Variants in ANKS1A observed in about 807,000 individuals in gnomAD.
ANKS1A encodes the protein ankyrin repeat and sterile alpha motif domain containing 1A.
Under a neutral mutation model 120.3 loss-of-function variants are expected in ANKS1A, and 55 were observed. The ratio of observed to expected loss-of-function variants is 0.46; its 90% CI spans 0.37 to 0.57. ANKS1A has a LOEUF of 0.57. Among genes scored for constraint, ANKS1A ranks in the 20% least tolerant of loss-of-function variants. ANKS1A has a pLI of 0.00. For synonymous variants in ANKS1A, 590 were observed against 604.7 expected (o/e 0.98, Z 0.36); for missense variants, 1,123 against 1,480.3 (o/e 0.76, Z 3.96).
At chr6:34,933,373 T>C (rs554754487) in intron 1 of ANKS1A, among the ~76,000 whole-genome samples, 2 of 152,282 alleles carry the variant, frequency 1.3e-5, no homozygotes, top group South Asian at 4.1e-4. Context: ...GAAAAGGCTG[T>C]TTTGTTTTGT....
At chr6:34,891,427 G>A (rs1766818162) in intron 1 of ANKS1A, among the ~76,000 whole-genome samples, 1 of 152,166 alleles carries the variant, frequency 6.6e-6, no homozygotes, top group African/African-American at 2.4e-5. Context: ...GCATGAATTG[G>A]GTTTTGAATC....
Position 35,089,443 on chromosome 6 carries a change from G to C in ANKS1A, c.*834G>C. ...GCCGGCGCCGTACTGCCTGCGTTGT[G>C]TCAGAGAATAGGAAAAGCAGCTTTG... is the stretch of plus-strand genomic sequence containing the variant. On this transcript the variant is annotated 3_prime_UTR_variant, in exon 24 of 24. Transcript: ENST00000360359. 1 of 986,684 alleles carries C rather than the reference G, an allele frequency of 1.0e-6. No individual in the cohort carries two copies. The highest frequency in any genetic ancestry group is 1.2e-6 in the Non-Finnish European group (1 of 830,604). 61.1% of individuals were successfully genotyped at this position (986,684 alleles called of 1,614,324 possible).
intron 9 of ANKS1A, among the ~76,000 whole-genome samples, chr6:34,991,959 G>A (rs1423271606): frequency 6.6e-6 from 1 of 151,924 alleles, no homozygotes; most frequent in Non-Finnish European, 1.5e-5. Context: ...TGGAGTGGGA[G>A]CTAGGAAGGC....
Position 35,089,382 on chromosome 6 carries a change from C to CT in ANKS1A, c.*775dup. 1 of 986,752 alleles carries CT rather than the reference C, an allele frequency of 1.0e-6. No homozygotes were observed. The highest frequency in any genetic ancestry group is 1.2e-6 in the Non-Finnish European group (1 of 830,602). 61.1% of individuals were successfully genotyped at this position (986,752 alleles called of 1,614,324 possible). On this transcript the variant is annotated 3_prime_UTR_variant, in exon 24 of 24. Transcript: ENST00000360359. ...AGAGCGCCAGGCCTCTCCCTGGCCT[C>CT]TTACCTGTCAGTGATCGGAGCACTG...
chr6:34,935,435 C>G (rs552404941), intron 1 of ANKS1A, among the ~76,000 whole-genome samples: 105 of 152,268 alleles, frequency 6.9e-4, no homozygotes, highest in Middle Eastern at 3.4e-3. Flanking sequence ...TGGGATTGCC[C>G]TGGTGTTAGT....
chr6:34,978,531 C>T (rs1047822232), intron 3 of ANKS1A, among the ~76,000 whole-genome samples: 8 of 152,196 alleles, frequency 5.3e-5, no homozygotes, highest in African/African-American at 1.9e-4. Context: ...GCCTGCGAGG[C>T]GCGGTAGCTC....
Position 35,086,478 on chromosome 6 carries a change from C to A in ANKS1A, c.3304-474C>A. ...CCTGTGTGACATTCTTTCCCCTCTT[C>A]CTGAGATGCCCTCTGCCTGTTCTGT... On this transcript the variant is annotated intron_variant, in intron 22 of 23. Transcript: ENST00000360359. This position sits in a 1 kb window ranked among gnomAD's most constrained non-coding sequence, Gnocchi z 5.1. The A allele has an allele frequency of 1.5e-6, 1 of 675,626 alleles. No homozygotes were observed. Among genetic ancestry groups the A allele is most frequent in the Non-Finnish European group, 2.3e-6 (1 of 431,612 alleles). 41.9% of individuals were successfully genotyped at this position (675,626 alleles called of 1,614,324 possible).
At chr6:34,994,793 G>C (rs559816509) in intron 10 of ANKS1A, among the ~76,000 whole-genome samples, 1 of 152,292 alleles carries the variant, frequency 6.6e-6, no homozygotes, top group African/African-American at 2.4e-5. Flanking sequence ...TTGGGTTCAG[G>C]CTGACGGCAC....
chr6:35,006,619 G>T (rs1396702430), intron 10 of ANKS1A, among the ~76,000 whole-genome samples: 2 of 151,980 alleles, frequency 1.3e-5, no homozygotes, highest in Non-Finnish European at 2.9e-5. Context: ...GCTGGGCATG[G>T]TAATGGGCAC....
At chr6:34,907,609 T>C (rs1767705818) in intron 1 of ANKS1A, among the ~76,000 whole-genome samples, 1 of 152,162 alleles carries the variant, frequency 6.6e-6, no homozygotes, top group South Asian at 2.1e-4. Context: ...TGTAAAACGT[T>C]GACATAAGGG....
chr6:35,041,851 C>T (rs560053940), intron 11 of ANKS1A, among the ~76,000 whole-genome samples: 30 of 152,306 alleles, frequency 2.0e-4, no homozygotes, highest in African/African-American at 6.5e-4. Context: ...GTCTGAACTT[C>T]GGTTCCAGAA....
chr6:35,078,205 G>T (rs1051725732), intron 13 of ANKS1A, among the ~76,000 whole-genome samples: 3 of 152,156 alleles, frequency 2.0e-5, no homozygotes, highest in Admixed American at 6.5e-5. Flanking sequence ...GGAACCTTAG[G>T]ATGAGTCCAC....
intron 9 of ANKS1A, among the ~76,000 whole-genome samples, chr6:34,991,589 T>C (rs1017158034): frequency 3.4e-5 from 5 of 145,168 alleles, no homozygotes; most frequent in African/African-American, 1.0e-4. Flanking sequence ...CATATACACA[T>C]ATATATATAC....
intron 11 of ANKS1A, among the ~76,000 whole-genome samples, chr6:35,041,389 G>A (rs566699972): frequency 2.0e-5 from 3 of 152,262 alleles, no homozygotes; most frequent in African/African-American, 7.2e-5. Flanking sequence ...GCAGCTCGGG[G>A]GTCTCCCACT....
At chr6:35,051,595 A>G (rs1378704575) in intron 11 of ANKS1A, among the ~76,000 whole-genome samples, 1 of 152,198 alleles carries the variant, frequency 6.6e-6, no homozygotes, top group African/African-American at 2.4e-5. Flanking sequence ...GATTCATTCA[A>G]TAGGTTCTCT....
chr6:35,042,711 TTA>T (rs1775526389), intron 11 of ANKS1A, among the ~76,000 whole-genome samples: 1 of 152,214 alleles, frequency 6.6e-6, no homozygotes, highest in Non-Finnish European at 1.5e-5. Flanking sequence ...TCAGTGCTTG[TTA>T]TGTGCCAGCC....
At chr6:34,924,163 A>G (rs1768589760) in intron 1 of ANKS1A, among the ~76,000 whole-genome samples, 1 of 151,210 alleles carries the variant, frequency 6.6e-6, no homozygotes, top group Non-Finnish European at 1.5e-5. Flanking sequence ...GGGTGTTAAT[A>G]TGAACCATCC....
chr6:35,022,872 C>A (rs1035377600), intron 11 of ANKS1A, among the ~76,000 whole-genome samples: 3 of 152,180 alleles, frequency 2.0e-5, no homozygotes, highest in African/African-American at 7.2e-5. Context: ...ACCATGGCAG[C>A]ATCAATAAGA....
At chr6:35,034,524 C>G (rs772785673) in intron 11 of ANKS1A, among the ~76,000 whole-genome samples, 6 of 152,200 alleles carry the variant, frequency 3.9e-5, no homozygotes, top group Non-Finnish European at 8.8e-5. Context: ...GAAGTTCTGT[C>G]TGCATCTGGG....
Sources: gnomAD v4.1 joint callset for allele counts (sites outside exome capture counted in the v4.1 genomes callset) on GRCh38, gnomAD v4.1.1 for gene constraint, Gnocchi (gnomAD v3.1) non-coding constraint, MANE v1.5 for transcripts, NCBI Gene and HGNC (gene_info 2026-07-23, HGNC 2026-07-21) for gene names.